The following SLC25A26 variants were observed in gnomAD, a reference collection of about 807,000 sequenced individuals.
The protein encoded by SLC25A26 is solute carrier family 25 member 26.
A neutral mutation model predicts 37.8 loss-of-function variants in SLC25A26; 36 were observed. The ratio of observed to expected loss-of-function variants is 0.95; its 90% CI spans 0.73 to 1.26. The LOEUF is 1.26. Ranked by LOEUF, SLC25A26 falls within the 50% of genes most tolerant of loss-of-function variation. The pLI is 0.00. For missense variants in SLC25A26, 390 were observed against 331.1 expected (o/e 1.18, Z -1.38); for synonymous variants, 129 against 122.5 (o/e 1.05, Z -0.35).
At chr3:66,307,844 G>C (rs1245692072) in intron 5 of SLC25A26, among the ~76,000 whole-genome samples, 1 of 152,148 alleles carries the variant, frequency 6.6e-6, no homozygotes, top group Non-Finnish European at 1.5e-5. Flanking sequence ...CCTCTGTTCT[G>C]TTCCATTGGT....
At chr3:66,255,871 C>G (rs2073278779) in intron 3 of SLC25A26, among the ~76,000 whole-genome samples, 1 of 152,124 alleles carries the variant, frequency 6.6e-6, no homozygotes, top group Non-Finnish European at 1.5e-5. Flanking sequence ...CAGTTGTCAC[C>G]CAGCAGAAGT....
intron 1 of SLC25A26, among the ~76,000 whole-genome samples, chr3:66,221,532 C>T (rs1001597209): frequency 6.6e-6 from 1 of 152,114 alleles, no homozygotes; most frequent in Non-Finnish European, 1.5e-5. Context: ...TTCAATACTA[C>T]GTTTCTCATT....
intron 3 of SLC25A26, among the ~76,000 whole-genome samples, chr3:66,258,923 C>A (rs561310927): frequency 6.6e-6 from 1 of 150,640 alleles, no homozygotes; most frequent in African/African-American, 2.4e-5. Context: ...GTCATTTTAA[C>A]ACTTACAGAA....
intron 1 of SLC25A26, among the ~76,000 whole-genome samples, chr3:66,223,888 CTATG>C (rs2071614640): frequency 6.6e-6 from 1 of 152,164 alleles, no homozygotes; most frequent in African/African-American, 2.4e-5. Context: ...GCAACTGGAA[CTATG>C]TATTAGCAAC....
chr3:66,324,895 T>A (rs978878871), intron 5 of SLC25A26, among the ~76,000 whole-genome samples: 1 of 152,086 alleles, frequency 6.6e-6, no homozygotes, highest in African/African-American at 2.4e-5. Context: ...GTTGGGGGCC[T>A]ACAAATTATA....
At chr3:66,326,170 G>T (rs954651167) in intron 5 of SLC25A26, among the ~76,000 whole-genome samples, 1 of 152,290 alleles carries the variant, frequency 6.6e-6, no homozygotes, top group South Asian at 2.1e-4. Flanking sequence ...GGCTTTGGGG[G>T]TTGGGGCTTC....
intron 1 of SLC25A26, among the ~76,000 whole-genome samples, chr3:66,197,566 C>T (rs984244020): frequency 1.3e-5 from 2 of 151,966 alleles, no homozygotes; most frequent in East Asian, 1.9e-4. Flanking sequence ...AATTGTCAGG[C>T]TAAGTAAGCA....
chr3:66,317,374 C>T (rs1455434213), intron 5 of SLC25A26, among the ~76,000 whole-genome samples: 1 of 152,152 alleles, frequency 6.6e-6, no homozygotes, highest in Non-Finnish European at 1.5e-5. Flanking sequence ...TGTAGGACTA[C>T]TGCAGTGTGC....
At chr3:66,222,309 T>G (rs1387627002) in intron 1 of SLC25A26, among the ~76,000 whole-genome samples, 1 of 151,648 alleles carries the variant, frequency 6.6e-6, no homozygotes, top group African/African-American at 2.4e-5. Flanking sequence ...GCCTCCCGAG[T>G]AGCTGGGACT....
intron 5 of SLC25A26, among the ~76,000 whole-genome samples, chr3:66,295,920 C>T (rs2074887566): frequency 6.6e-6 from 1 of 151,830 alleles, no homozygotes; most frequent in Non-Finnish European, 1.5e-5. Context: ...AGTTCGAGAC[C>T]AGCCTGACCA....
At chr3:66,346,053 G>C (rs922769974) in intron 5 of SLC25A26, among the ~76,000 whole-genome samples, 1 of 152,100 alleles carries the variant, frequency 6.6e-6, no homozygotes, top group Non-Finnish European at 1.5e-5. Flanking sequence ...AAATTAGCTG[G>C]GTGTGGTGGC....
At chr3:66,150,626 A>G (rs1315502779) in intron 1 of SLC25A26, among the ~76,000 whole-genome samples, 2 of 72,612 alleles carry the variant, frequency 2.8e-5, no homozygotes, top group South Asian at 4.9e-4. Context: ...ATATATATAT[A>G]TATATATATA....
intron 2 of SLC25A26, among the ~76,000 whole-genome samples, chr3:66,238,725 CATAAG>C (rs927326911): frequency 6.6e-6 from 1 of 151,938 alleles, no homozygotes; most frequent in Non-Finnish European, 1.5e-5. Flanking sequence ...CTAAGAAAAT[CATAAG>C]GAAGAGAAAA....
upstream of SLC25A26, among the ~76,000 whole-genome samples, chr3:66,217,848 C>G (rs1380260215): frequency 2.0e-5 from 3 of 152,180 alleles, no homozygotes; most frequent in Non-Finnish European, 4.4e-5. Flanking sequence ...CGGCGCCCAG[C>G]CTTATAGTTT....
intron 5 of SLC25A26, among the ~76,000 whole-genome samples, chr3:66,305,237 G>T (rs964428264): frequency 6.6e-6 from 1 of 152,122 alleles, no homozygotes; most frequent in Non-Finnish European, 1.5e-5. Context: ...TTTCTTTTCT[G>T]TTACTAAGTA....
chr3:66,286,171 T>C (rs2074506022), intron 5 of SLC25A26, among the ~76,000 whole-genome samples: 1 of 152,206 alleles, frequency 6.6e-6, no homozygotes, highest in Admixed American at 6.5e-5. Flanking sequence ...CTCTAAACAG[T>C]ATTATTTGCA....
chr3:66,344,323 C>T (rs1344366082), intron 5 of SLC25A26, among the ~76,000 whole-genome samples: 4 of 152,026 alleles, frequency 2.6e-5, no homozygotes, highest in African/African-American at 7.2e-5. Flanking sequence ...ATTAGCCAGG[C>T]GTGGTGGCAC....
chr3:66,318,368 T>G lies in SLC25A26; in HGVS notation c.454-27996T>G, dbSNP rs1398470478. On this transcript the variant is annotated intron_variant, in intron 5 of 9. Coordinates refer to ENST00000354883, the MANE Select transcript of SLC25A26 (RefSeq NM_001379210.1). ...AGAATCTGTGGGAAAAGCATGGCTT[T>G]CAGGGAGGGGTAGCACAATCCCTCA... is the stretch of plus-strand genomic sequence containing the variant. 7.9e-5 allele frequency among the ~76,000 whole-genome samples: 12 copies of G among 152,158 alleles called. No homozygotes were observed. The East Asian group carries it at 2.3e-3, about 29-fold the overall frequency.
At chr3:66,206,216 T>C (rs2071174657) in intron 1 of SLC25A26, among the ~76,000 whole-genome samples, 1 of 152,142 alleles carries the variant, frequency 6.6e-6, no homozygotes, top group South Asian at 2.1e-4. Context: ...CTGTCCGCCA[T>C]AACTGTACGT....
Sources: allele counts gnomAD v4.1 joint callset (sites outside exome capture counted in the v4.1 genomes callset), GRCh38; gene constraint gnomAD v4.1.1; transcripts MANE v1.5; gene names NCBI Gene and HGNC (gene_info 2026-07-23, HGNC 2026-07-21).